The following TOR2A variants were observed in gnomAD, a reference collection of about 807,000 sequenced individuals.
TOR2A encodes the protein torsin family 2 member A.
TOR2A carries 24 observed loss-of-function variants against 28.6 expected under a neutral mutation model. That is an observed-to-expected ratio of 0.84 (90% confidence interval 0.61 to 1.18). The LOEUF (loss-of-function observed/expected upper bound fraction) is 1.18, where lower values mean the gene tolerates loss of function less well. Among genes scored for constraint, TOR2A ranks in the 50% most tolerant of loss-of-function variants. TOR2A has a pLI of 0.00. For missense variants in TOR2A, 426 were observed against 448.1 expected (o/e 0.95, Z 0.45); for synonymous variants, 203 against 203.1 (o/e 1.00, Z 0.00).
rs758069979 is a variant in TOR2A at position 127,732,235 on chromosome 9, G to A, written c.765C>T (p.Asp255=). 49 of 1,600,274 alleles carry A rather than the reference G, an allele frequency of 3.1e-5. No individual in the cohort carries two copies. The highest frequency in any genetic ancestry group is 3.5e-4 in the Middle Eastern group (2 of 5,690). The change falls in exon 5 of 5, where the codon GAC becomes GAT. Residue 255 remains aspartate, a synonymous_variant. Coordinates refer to ENST00000373284, the MANE Select transcript of TOR2A (RefSeq NM_001085347.3). The part of the protein sequence containing the change: ...NSGIMEERLL[D]AVVPFLPLQR... Reference sequence around the variant, plus strand: ...GGAGCGGGAGGAAGGGCACCACTGCGTCTAGGAGGCGCTCTTCCATGATGC... The same window carrying A: ...GGAGCGGGAGGAAGGGCACCACTGCATCTAGGAGGCGCTCTTCCATGATGC...
At position 127,734,407 on chromosome 9, in the gene TOR2A, G is replaced by A. The variant is rs1312696701; in HGVS notation, c.309C>T (p.Ser103=). 6.2e-7 allele frequency: 1 copy of A among 1,612,690 alleles called. No individual in the cohort carries two copies. The highest frequency in any genetic ancestry group is 1.1e-5 in the South Asian group (1 of 91,052). ...GWTGTGKSYV[S]SLLAHYLFQG... ...GGAAGAGGTAGTGCGCCAGCAGGGA[G>A]CTGACATAGGATTTGCCGGTGCCGG... Residue 103 remains serine (S), a synonymous_variant, in exon 2 of 5, where the codon AGC becomes AGT. Transcript: ENST00000373284.
At position 127,732,472 on chromosome 9, in the gene TOR2A, G is replaced by A. The variant is rs558101229; in HGVS notation, c.721+92C>T. On this transcript the variant is annotated intron_variant, in intron 4 of 4. Transcript: ENST00000373284. ...TGCCAAAGCCAGGCTCAGAACTGCCGGGTCAGTGGGCAAAGCATGAGACCC... is the reference window on the plus strand; with the variant it reads ...TGCCAAAGCCAGGCTCAGAACTGCCAGGTCAGTGGGCAAAGCATGAGACCC... 336 of 1,463,320 alleles carry A rather than the reference G, an allele frequency of 2.3e-4. 4 individuals are homozygous for A. In the South Asian group the frequency reaches 4.1e-3, roughly 18 times the overall value. 90.6% of individuals were successfully genotyped at this position (1,463,320 alleles called of 1,614,324 possible). A position where few individuals can be genotyped will look rare whatever the true frequency, so the allele number is the denominator to read the frequency against.
Position 127,734,365 on chromosome 9 carries a change from G to A in TOR2A, c.351C>T (p.Ser117=). ...AHYLFQGGLR[S]PRVHHFSPVL... ...CGGGAGAAAAGTGGTGCACGCGGGG[G>A]CTGCGGAGGCCGCCCTGGAAGAGGT... The change falls in exon 2 of 5, where the codon AGC becomes AGT. Residue 117 remains serine (S), a synonymous_variant. Transcript: ENST00000373284. 4 of 1,612,260 alleles carry A rather than the reference G, an allele frequency of 2.5e-6. No individual in the cohort carries two copies. Among genetic ancestry groups the A allele is most frequent in the Non-Finnish European group, 3.4e-6 (4 of 1,179,586 alleles).
At chr9:127,734,125 C>T in intron 2 of TOR2A, 174 bp downstream of exon 2, 1 of 813,756 alleles carries the variant, frequency 1.2e-6, no homozygotes, top group Non-Finnish European at 1.8e-6. Context: ...AATCAAAGTA[C>T]TCCCTGCCAG....
At chr9:127,733,659 G>A (rs1182031186) in intron 2 of TOR2A, 99 bp from the exon 3 acceptor site, 19 of 1,139,146 alleles carry the variant, frequency 1.7e-5, no homozygotes, top group Non-Finnish European at 2.3e-5. Context: ...AGGGAAGGAT[G>A]TGGTCTTCCA....
rs762210537 is a variant in TOR2A at position 127,734,408 on chromosome 9, C to T, written c.308G>A (p.Ser103Asn). Residue 103 changes from serine to asparagine, a missense_variant, in exon 2 of 5, where the codon AGC becomes AAC. By Grantham distance (46) the Ser-to-Asn change is conservative (BLOSUM62 1). Transcript: ENST00000373284. ...GAAGAGGTAGTGCGCCAGCAGGGAG[C>T]TGACATAGGATTTGCCGGTGCCGGT... ...GWTGTGKSYV[S>N]SLLAHYLFQG... The T allele has an allele frequency of 3.7e-6, 6 of 1,612,594 alleles. No individual in the cohort carries two copies. Among genetic ancestry groups the T allele is most frequent in the Non-Finnish European group, 4.2e-6 (5 of 1,179,760 alleles).
At position 127,732,705 on chromosome 9, in the gene TOR2A, G is replaced by A. The variant is rs1255059470; in HGVS notation, c.594-14C>T. On this transcript the variant is annotated splice_polypyrimidine_tract_variant and intron_variant, in intron 3 of 4. Coordinates refer to ENST00000373284, the MANE Select transcript of TOR2A (RefSeq NM_001085347.3). The stretch of plus-strand genomic sequence containing the variant: ...CCACCCGTGTTGCTAAAACCATGGG[G>A]GACCCAGGCTGAGACTCAGATGAGG... 3 of 1,557,864 alleles carry A rather than the reference G, an allele frequency of 1.9e-6. No homozygotes were observed. Among genetic ancestry groups the A allele is most frequent in the Admixed American group, 1.9e-5 (1 of 51,624 alleles).
At chr9:127,733,103 G>A in intron 3 of TOR2A, 1 of 1,505,530 alleles carries the variant, frequency 6.6e-7, no homozygotes. Context: ...TCCCAGGCCT[G>A]TGTCCTCCTC....
In TOR2A at chr9:127,734,467, G is replaced by A; in HGVS notation, c.249C>T (p.Pro83=). ...GCAGGGAGAGGACCAGCGGCTTGGT[G>A]GGGGCTGGGTCCCGCACAAAGGCCT... ...ALKAFVRDPA[P]TKPLVLSLHG... is the part of the protein sequence containing the mutation. Residue 83 remains proline, a synonymous_variant, in exon 2 of 5, where the codon CCC becomes CCT. Transcript: ENST00000373284. 5 of 1,607,336 alleles carry A rather than the reference G, an allele frequency of 3.1e-6. No individual in the cohort carries two copies. The highest frequency in any genetic ancestry group is 4.2e-6 in the Non-Finnish European group (5 of 1,177,180).
chr9:127,733,575 C>G lies in TOR2A; in HGVS notation c.418-15G>C. 1.9e-6 allele frequency: 3 copies of G among 1,590,420 alleles called. No individual in the cohort carries two copies. The highest frequency in any genetic ancestry group is 2.6e-6 in the Non-Finnish European group (3 of 1,168,714). ...TTCAGATCCTTCTGTAGGGGAGAGACAGGAGTTCCAGGGGAGCTGGAGAAA... is the reference window on the plus strand; with the variant it reads ...TTCAGATCCTTCTGTAGGGGAGAGAGAGGAGTTCCAGGGGAGCTGGAGAAA... On this transcript the variant is annotated splice_polypyrimidine_tract_variant and intron_variant, in intron 2 of 4. Transcript: ENST00000373284.
Position 127,734,425 on chromosome 9 carries a change from G to A in TOR2A, c.291C>T (p.Thr97=), listed in dbSNP as rs1440024918. 17 of 1,612,422 alleles carry A rather than the reference G, an allele frequency of 1.1e-5. No individual in the cohort carries two copies. The highest frequency in any genetic ancestry group is 1.7e-5 in the Admixed American group (1 of 59,946). The change falls in exon 2 of 5, where the codon ACC becomes ACT. Residue 97 remains threonine (T), a synonymous_variant. Transcript: ENST00000373284. ...LVLSLHGWTG[T]GKSYVSSLLA... is the part of the protein sequence containing the mutation. Reference sequence around the variant, plus strand: ...GCAGGGAGCTGACATAGGATTTGCCGGTGCCGGTCCAGCCGTGCAGGGAGA... The same window carrying A: ...GCAGGGAGCTGACATAGGATTTGCCAGTGCCGGTCCAGCCGTGCAGGGAGA...
rs1588471071 is a variant in TOR2A, at chr9:127,731,666, T to G, written c.*368A>C. 1 of 858,430 alleles carries G rather than the reference T, an allele frequency of 1.2e-6. No homozygotes were observed. The highest frequency in any genetic ancestry group is 1.7e-6 in the Non-Finnish European group (1 of 595,466). 53.2% of individuals were successfully genotyped at this position (858,430 alleles called of 1,614,324 possible). ...CCTGGCTTGATATGGACACAGGGTGTGGGGTGGAGGGGAGGAGGTATGGTG... is the reference window on the plus strand; with the variant it reads ...CCTGGCTTGATATGGACACAGGGTGGGGGGTGGAGGGGAGGAGGTATGGTG... On this transcript the variant is annotated 3_prime_UTR_variant, in exon 5 of 5. Coordinates refer to ENST00000373284, the MANE Select transcript of TOR2A (RefSeq NM_001085347.3).
rs754490227 is a variant in TOR2A at position 127,732,201 on chromosome 9, G to C, written c.799C>G (p.His267Asp). The change falls in exon 5 of 5, where the codon CAC (histidine) becomes GAC (aspartate). Residue 267 changes from histidine (H) to aspartate (D), a missense_variant. Physicochemically the swap from His to Asp is moderately conservative, Grantham distance 81. Transcript: ENST00000373284. ...TCGTTGAGCACGCAGTGCCGGACGT[G>C]GTGCCGCTGGAGCGGGAGGAAGGGC... is the stretch of plus-strand genomic sequence containing the variant. ...VVPFLPLQRH[H>D]VRHCVLNELA... The C allele has an allele frequency of 6.2e-7, 1 of 1,612,374 alleles. No individual in the cohort carries two copies. Among genetic ancestry groups the C allele is most frequent in the Non-Finnish European group, 8.5e-7 (1 of 1,179,348 alleles).
Position 127,732,644 on chromosome 9 carries a change from C to T in TOR2A, c.641G>A (p.Arg214His), listed in dbSNP as rs367989583. ...GATCTCCTCGCGGTCCCGCCGGCTG[C>T]GCCACGCCTCCAATGCCACCTGGTT... is the stretch of plus-strand genomic sequence containing the variant. ...QINQVALEAW[R>H]SRRDREEILL... Residue 214 changes from arginine (R) to histidine (H), a missense_variant, in exon 4 of 5, where the codon CGC becomes CAC. Physicochemically the swap from Arg to His is conservative, Grantham distance 29. Transcript: ENST00000373284. 13 of 1,571,474 alleles carry T rather than the reference C, an allele frequency of 8.3e-6. No homozygotes were observed. The highest frequency in any genetic ancestry group is 8.1e-5 in the African/African-American group (6 of 74,102).
At chr9:127,734,914 G>T in intron 1 of TOR2A, 2 of 716,880 alleles carry the variant, frequency 2.8e-6, no homozygotes, top group Non-Finnish European at 4.1e-6. Flanking sequence ...GGTTCTGCTG[G>T]CTGAGGCCTC....
intron 3 of TOR2A, 117 bp downstream of exon 3, chr9:127,733,268 A>G: frequency 1.2e-6 from 2 of 1,613,082 alleles, no homozygotes; most frequent in Non-Finnish European, 1.7e-6. Context: ...GGGCACTGGG[A>G]AAGCCCAGCT....
In TOR2A at chr9:127,733,495, A is replaced by G; in HGVS notation, c.483T>C (p.Asp161=). The change falls in exon 3 of 5, where the codon GAT becomes GAC. Residue 161 remains aspartate, a synonymous_variant. Coordinates refer to ENST00000373284, the MANE Select transcript of TOR2A (RefSeq NM_001085347.3). ...GGCCTGGGGGCATCTTGTCCATCTC[A>G]TCGAAGAGGAAGAGGGAGCGGCCAC... The part of the protein sequence containing the change: ...TACGRSLFLF[D]EMDKMPPGLM... The G allele has an allele frequency of 6.2e-7, 1 of 1,612,688 alleles. No individual in the cohort carries two copies. Among genetic ancestry groups the G allele is most frequent in the Non-Finnish European group, 8.5e-7 (1 of 1,179,108 alleles).
rs769877324 is a variant in TOR2A, at chr9:127,734,323, G to A, written c.393C>T (p.His131=). 1.2e-5 allele frequency: 19 copies of A among 1,602,580 alleles called. No homozygotes were observed. The highest frequency in any genetic ancestry group is 1.6e-5 in the Non-Finnish European group (19 of 1,174,122). ...CCTTGTAGCGCTCGATGTGGCTGGG[G>A]TGGGGGAAGTGGAGGACGGGAGAAA... ...HHFSPVLHFP[H]PSHIERYKKD... Residue 131 remains histidine (H), a synonymous_variant, in exon 2 of 5, where the codon CAC becomes CAT. Transcript: ENST00000373284.
intron 2 of TOR2A, 83 bp downstream of exon 2, chr9:127,734,216 G>T: frequency 6.8e-7 from 1 of 1,479,668 alleles, no homozygotes; most frequent in South Asian, 1.4e-5. Context: ...TGGAGCAGGT[G>T]ACTCCCCTGT....
Sources: gnomAD v4.1 joint callset for allele counts on GRCh38, gnomAD v4.1.1 for gene constraint, MANE v1.5 for transcripts, NCBI Gene and HGNC (gene_info 2026-07-23, HGNC 2026-07-21) for gene names.